Variants in BABAM2 observed in about 807,000 individuals in gnomAD.
BABAM2 encodes BRISC and BRCA1-A complex member 2.
Under a neutral mutation model 54.7 loss-of-function variants are expected in BABAM2, and 31 were observed. That is an observed-to-expected ratio of 0.57 (90% CI 0.43 to 0.77). BABAM2 has a LOEUF of 0.77. BABAM2 is among the 30% of genes least tolerant of loss of function. The pLI, the probability that BABAM2 is intolerant of heterozygous loss-of-function variation, is 0.00. For missense variants in BABAM2, 364 were observed against 455.8 expected (o/e 0.80, Z 1.83); for synonymous variants, 167 against 162.9 (o/e 1.03, Z -0.19).
At position 28,306,765 on chromosome 2, in the gene BABAM2, C is replaced by T. The variant is rs558963581; in HGVS notation, c.1088+8274C>T. Reference sequence around the variant, plus strand: ...AGATTGGAGTGCAGTGGTGTGACCTCGGCTCATGGCAACCTCCACCTCCTG... The same window carrying T: ...AGATTGGAGTGCAGTGGTGTGACCTTGGCTCATGGCAACCTCCACCTCCTG... On this transcript the variant is annotated intron_variant, in intron 11 of 11. Transcript: ENST00000379624. Among the ~76,000 whole-genome samples the T allele has an allele frequency of 1.4e-4, 21 of 151,710 alleles. No individual in the cohort carries two copies. In the East Asian group the frequency reaches 2.1e-3, roughly 15 times the overall value.
At chr2:28,136,018 A>C (rs988469317) in intron 7 of BABAM2, among the ~76,000 whole-genome samples, 1 of 152,202 alleles carries the variant, frequency 6.6e-6, no homozygotes, top group African/African-American at 2.4e-5. Context: ...TCCATCTGGC[A>C]TTCAGATTCC....
chr2:28,275,456 G>A (rs571793468), intron 10 of BABAM2, among the ~76,000 whole-genome samples: 39 of 152,298 alleles, frequency 2.6e-4, no homozygotes, highest in Admixed American at 2.4e-3. Context: ...AACTGGGATA[G>A]GCCTGGGGTG....
chr2:28,026,916 TAATA>T (rs1221721870), intron 5 of BABAM2, among the ~76,000 whole-genome samples: 1 of 34,684 alleles, frequency 2.9e-5, no homozygotes, highest in African/African-American at 9.1e-5. Flanking sequence ...AAATATATAT[TAATA>T]TATATAAATA....
At chr2:28,159,860 A>G (rs989588850) in intron 7 of BABAM2, among the ~76,000 whole-genome samples, 1 of 151,558 alleles carries the variant, frequency 6.6e-6, no homozygotes, top group Admixed American at 6.6e-5. Context: ...TGGGCGACAG[A>G]GCAAAACTCC....
chr2:27,940,867 A>G (rs1439169007), intron 3 of BABAM2, among the ~76,000 whole-genome samples: 1 of 152,160 alleles, frequency 6.6e-6, no homozygotes, highest in Non-Finnish European at 1.5e-5. Flanking sequence ...ATCTGTGTCC[A>G]TGTTTGTGTC....
At chr2:27,985,376 C>T (rs575577001) in intron 3 of BABAM2, among the ~76,000 whole-genome samples, 8 of 152,114 alleles carry the variant, frequency 5.3e-5, no homozygotes, top group South Asian at 4.2e-4. Context: ...ACCACATCTG[C>T]GCCAACATCT....
intron 7 of BABAM2, among the ~76,000 whole-genome samples, chr2:28,155,929 C>T (rs1672502873): frequency 6.6e-6 from 1 of 152,156 alleles, no homozygotes. Context: ...TAATTCATAA[C>T]ATGAGGTACT....
At chr2:28,012,852 T>G (rs184465797) in intron 4 of BABAM2, among the ~76,000 whole-genome samples, 7 of 152,358 alleles carry the variant, frequency 4.6e-5, no homozygotes, top group South Asian at 2.1e-4. Context: ...TTTCTCTTAA[T>G]AAATGAGGAA....
intron 3 of BABAM2, among the ~76,000 whole-genome samples, chr2:27,955,701 G>A (rs1670034054): frequency 6.6e-6 from 1 of 152,114 alleles, no homozygotes; most frequent in Non-Finnish European, 1.5e-5. Flanking sequence ...TTTCTTCTCT[G>A]TGTTTTATTC....
intron 4 of BABAM2, among the ~76,000 whole-genome samples, chr2:27,990,694 T>C (rs369336541): frequency 5.3e-5 from 8 of 152,130 alleles, no homozygotes; most frequent in African/African-American, 1.9e-4. Flanking sequence ...TTTGATTCTG[T>C]AATATACCTG....
chr2:28,085,062 A>C (rs1032554575), intron 6 of BABAM2, among the ~76,000 whole-genome samples: 2 of 152,156 alleles, frequency 1.3e-5, no homozygotes, highest in Non-Finnish European at 2.9e-5. Flanking sequence ...ATTACCATCC[A>C]GTTTTATACT....
At chr2:28,145,801 G>C (rs1558381551) in intron 7 of BABAM2, among the ~76,000 whole-genome samples, 1 of 152,078 alleles carries the variant, frequency 6.6e-6, no homozygotes, top group Non-Finnish European at 1.5e-5. Context: ...TGCCTGTTCT[G>C]GACATTTTAT....
intron 6 of BABAM2, among the ~76,000 whole-genome samples, chr2:28,112,159 C>T (rs1209331606): frequency 0.39 from 3,031 of 7,698 alleles, 910 homozygotes; most frequent in African/African-American, 0.52. Flanking sequence ...ACCTCCCTCC[C>T]TCCCTCCCTC....
intron 6 of BABAM2, among the ~76,000 whole-genome samples, chr2:28,104,419 C>G (rs1177719443): frequency 2.6e-5 from 4 of 152,122 alleles, no homozygotes; most frequent in Non-Finnish European, 5.9e-5. Flanking sequence ...ATTTATGCAG[C>G]CAAAAAACAC....
chr2:28,236,680 T>C (rs896151615), intron 7 of BABAM2, among the ~76,000 whole-genome samples: 1 of 152,202 alleles, frequency 6.6e-6, no homozygotes, highest in African/African-American at 2.4e-5. Flanking sequence ...AGAAGGAATT[T>C]CTGAAAGTTG....
chr2:28,216,191 A>ACTCCTTTTGTTGGTAAATTGGGT (rs1679903771), intron 7 of BABAM2, among the ~76,000 whole-genome samples: 1 of 152,202 alleles, frequency 6.6e-6, no homozygotes, highest in Admixed American at 6.6e-5. Flanking sequence ...ATTTTAAAAG[A>ACTCCTTTTGTTGGTAAATTGGGT]ACTTATTTCT....
intron 7 of BABAM2, among the ~76,000 whole-genome samples, chr2:28,166,049 C>T (rs2147830873): frequency 6.6e-6 from 1 of 152,208 alleles, no homozygotes; most frequent in South Asian, 2.1e-4. Flanking sequence ...TTAGGACACA[C>T]ATACACACAG....
At chr2:28,231,923 T>C (rs2148043228) in intron 7 of BABAM2, among the ~76,000 whole-genome samples, 1 of 147,592 alleles carries the variant, frequency 6.8e-6, no homozygotes, top group South Asian at 2.2e-4. Context: ...TCCTCTTGCC[T>C]CAGGCTCCTG....
intron 7 of BABAM2, among the ~76,000 whole-genome samples, chr2:28,147,287 A>G (rs973708611): frequency 1.4e-4 from 22 of 152,284 alleles, no homozygotes; most frequent in African/African-American, 5.1e-4. Flanking sequence ...TTGACAAATC[A>G]TTCTTAATGT....
Sources: allele counts gnomAD v4.1 joint callset (sites outside exome capture counted in the v4.1 genomes callset), GRCh38; gene constraint gnomAD v4.1.1; transcripts MANE v1.5; gene names NCBI Gene and HGNC (gene_info 2026-07-23, HGNC 2026-07-21).